The following LIN7A variants were observed in gnomAD, a reference collection of about 807,000 sequenced individuals.
The protein encoded by LIN7A is protein lin-7 homolog A.
Under a neutral mutation model 29.8 loss-of-function variants are expected in LIN7A, and 25 were observed. The observed-to-expected ratio is 0.84, with a 90% CI of 0.61 to 1.17. The LOEUF (loss-of-function observed/expected upper bound fraction) is 1.17, where lower values mean the gene tolerates loss of function less well. LIN7A is among the 50% of genes most tolerant of loss of function. LIN7A has a pLI of 0.00. For missense variants in LIN7A, 239 were observed against 287.0 expected (o/e 0.83, Z 1.21); for synonymous variants, 118 against 107.5 (o/e 1.10, Z -0.60).
chr12:80,920,296 T>C (rs1413617527), intron 1 of LIN7A, among the ~76,000 whole-genome samples: 1 of 152,242 alleles, frequency 6.6e-6, no homozygotes, highest in Non-Finnish European at 1.5e-5. Flanking sequence ...TTTCAACTAT[T>C]TAAATATGTA....
At chr12:80,877,727 G>A (rs1217472405) in intron 2 of LIN7A, among the ~76,000 whole-genome samples, 2 of 152,058 alleles carry the variant, frequency 1.3e-5, no homozygotes, top group African/African-American at 2.4e-5. Context: ...TACCCCCAGG[G>A]AATAACAGCA....
intron 2 of LIN7A, among the ~76,000 whole-genome samples, chr12:80,858,550 A>C (rs978223524): frequency 6.6e-6 from 1 of 151,322 alleles, no homozygotes; most frequent in Non-Finnish European, 1.5e-5. Context: ...GAATTCCCTT[A>C]AGGCAGCTGT....
At chr12:80,874,856 C>T (rs1028046814) in intron 2 of LIN7A, among the ~76,000 whole-genome samples, 3 of 151,936 alleles carry the variant, frequency 2.0e-5, no homozygotes, top group African/African-American at 4.8e-5. Context: ...TTGTGGCGGG[C>T]GCCTGTAGTC....
At chr12:80,857,335 A>G (rs1466148256) in intron 2 of LIN7A, among the ~76,000 whole-genome samples, 1 of 151,996 alleles carries the variant, frequency 6.6e-6, no homozygotes, top group East Asian at 1.9e-4. Flanking sequence ...TTCCATGCTG[A>G]TAGCAAAGTG....
rs1423090086 is a variant in LIN7A, at chr12:80,797,026, C to A, written c.*701G>T. 6.6e-6 allele frequency: 1 copy of A among 151,960 alleles called. No individual in the cohort carries two copies. Among genetic ancestry groups the A allele is most frequent in the East Asian group, 1.9e-4 (1 of 5,176 alleles). 9.4% of individuals were successfully genotyped at this position (151,960 alleles called of 1,614,324 possible). ...TGGAATTAATAATAATAGATACAAG[C>A]AATAATTAAAAACTACAGTGCTAGA... On this transcript the variant is annotated 3_prime_UTR_variant, in exon 6 of 6. Transcript: ENST00000552864.
At chr12:80,925,500 T>C (rs1877535497) in intron 1 of LIN7A, among the ~76,000 whole-genome samples, 2 of 152,226 alleles carry the variant, frequency 1.3e-5, no homozygotes, top group African/African-American at 4.8e-5. Context: ...ATAATTATCA[T>C]TGTTGGGTAG....
rs922437009 is a variant in LIN7A, at chr12:80,895,388, C to T, written c.83-6019G>A. Reference sequence around the variant, plus strand: ...TTTTCATTCTCTAATGATGAGTTTTCATGAACTCGATTGACATTTAGACTG... The same window carrying T: ...TTTTCATTCTCTAATGATGAGTTTTTATGAACTCGATTGACATTTAGACTG... On this transcript the variant is annotated intron_variant, in intron 1 of 5. Transcript: ENST00000552864. Among the ~76,000 whole-genome samples the T allele has an allele frequency of 7.2e-5, 11 of 152,192 alleles. 1 individual carries two copies. The highest frequency in any genetic ancestry group is 2.7e-4 in the African/African-American group (11 of 41,442).
chr12:80,918,467 GT>G lies in LIN7A; in HGVS notation c.82+19173del, dbSNP rs375787458. 4.3e-3 allele frequency among the ~76,000 whole-genome samples: 655 copies of G among 152,126 alleles called. 4 individuals are homozygous for G. The highest frequency in any genetic ancestry group is 4.7e-3 in the Non-Finnish European group (318 of 67,996). ...ATGCAACTCTAATGTCTCACCTCCA[GT>G]TCTGTATTGACCTCAGGCATAGGGC... On this transcript the variant is annotated intron_variant, in intron 1 of 5. Coordinates refer to ENST00000552864, the MANE Select transcript of LIN7A (RefSeq NM_004664.4).
In LIN7A at chr12:80,901,951, A is replaced by G. The variant is rs1199827064; in HGVS notation, c.83-12582T>C. On this transcript the variant is annotated intron_variant, in intron 1 of 5. Coordinates refer to ENST00000552864, the MANE Select transcript of LIN7A (RefSeq NM_004664.4). ...AAGCTTGATGTTTGCAGAAGTTGTT[A>G]TGGTGAATAGTGCATCTATTTTATT... 3.3e-5 allele frequency among the ~76,000 whole-genome samples: 5 copies of G among 152,150 alleles called. No individual in the cohort carries two copies. The South Asian group carries it at 8.3e-4, about 25-fold the overall frequency.
intron 4 of LIN7A, among the ~76,000 whole-genome samples, chr12:80,844,032 A>G (rs1872945749): frequency 2.6e-5 from 4 of 151,810 alleles, no homozygotes; most frequent in Admixed American, 1.3e-4. Flanking sequence ...ATATACTTTG[A>G]AATTTTTTAA....
rs186259029 is a variant in LIN7A at position 80,885,071 on chromosome 12, T to C, written c.201+4180A>G. 1.7e-4 allele frequency among the ~76,000 whole-genome samples: 26 copies of C among 152,288 alleles called. No individual in the cohort carries two copies. In the East Asian group the frequency reaches 5.0e-3, roughly 29 times the overall value. On this transcript the variant is annotated intron_variant, in intron 2 of 5. Coordinates refer to ENST00000552864, the MANE Select transcript of LIN7A (RefSeq NM_004664.4). ...TATTCTTTGTATTGTTTGTATTAGA[T>C]GTCTCCTTAAAATATGATCACTTAT...
At chr12:80,872,256 T>C (rs935518262) in intron 2 of LIN7A, among the ~76,000 whole-genome samples, 14 of 152,154 alleles carry the variant, frequency 9.2e-5, no homozygotes, top group African/African-American at 3.4e-4. Flanking sequence ...TCAGCAATTC[T>C]ATTACTTGCA....
rs1393027903 is a variant in LIN7A, at chr12:80,916,126, C to T, written c.82+21515G>A. ...ATCTTTTCTGCTACTAGCCTGATCC[C>T]AACCACCACCATCTCTGACCTGAAT... On this transcript the variant is annotated intron_variant, in intron 1 of 5. Transcript: ENST00000552864. 3.9e-5 allele frequency among the ~76,000 whole-genome samples: 6 copies of T among 152,290 alleles called. No homozygotes were observed. In the South Asian group the frequency reaches 8.3e-4, roughly 21 times the overall value.
chr12:80,865,350 C>T (rs997644315), intron 2 of LIN7A, among the ~76,000 whole-genome samples: 9 of 56,042 alleles, frequency 1.6e-4, no homozygotes, highest in African/African-American at 6.0e-4. Context: ...ACTGAGTGGC[C>T]TATCCTGCTG....
chr12:80,893,074 T>A (rs565079502), intron 1 of LIN7A, among the ~76,000 whole-genome samples: 1 of 152,330 alleles, frequency 6.6e-6, no homozygotes, highest in East Asian at 1.9e-4. Flanking sequence ...TCTTAGTGAT[T>A]GTTAGTTTAC....
chr12:80,870,365 CAG>C lies in LIN7A; in HGVS notation c.201+18884_201+18885del, dbSNP rs1410716332. Among the ~76,000 whole-genome samples the C allele has an allele frequency of 1.2e-4, 19 of 152,282 alleles. No individual in the cohort carries two copies. In the East Asian group the frequency reaches 3.7e-3, roughly 29 times the overall value. On this transcript the variant is annotated intron_variant, in intron 2 of 5. Coordinates refer to ENST00000552864, the MANE Select transcript of LIN7A (RefSeq NM_004664.4). The stretch of plus-strand genomic sequence containing the variant: ...ATTACTTGGTATCCTTGAGAATTTT[CAG>C]AGTTATTACTAATGTAAGTATCCTC...
chr12:80,824,705 T>G (rs1039550160), intron 4 of LIN7A, among the ~76,000 whole-genome samples: 15 of 152,178 alleles, frequency 9.9e-5, no homozygotes, highest in African/African-American at 3.6e-4. Context: ...CAGGGATGGT[T>G]TAACATACAT....
At chr12:80,880,772 CACAT>C (rs766431902) in intron 2 of LIN7A, among the ~76,000 whole-genome samples, 1,398 of 137,986 alleles carry the variant, frequency 0.01, 21 homozygotes, top group East Asian at 0.066. Flanking sequence ...CACACACACA[CACAT>C]ACACACACAC....
chr12:80,834,204 T>C (rs1872511211), intron 4 of LIN7A, among the ~76,000 whole-genome samples: 1 of 152,184 alleles, frequency 6.6e-6, no homozygotes, highest in South Asian at 2.1e-4. Flanking sequence ...TATGTTGAAA[T>C]GGTAGTGCTG....
Sources: allele counts gnomAD v4.1 joint callset (sites outside exome capture counted in the v4.1 genomes callset), GRCh38; gene constraint gnomAD v4.1.1; transcripts MANE v1.5; gene names NCBI Gene and HGNC (gene_info 2026-07-23, HGNC 2026-07-21).